The following RICTOR variants were observed in gnomAD, a reference collection of about 807,000 sequenced individuals.
RICTOR encodes rapamycin-insensitive companion of mTOR.
A neutral mutation model predicts 214.9 loss-of-function variants in RICTOR; 49 were observed. That is an observed-to-expected ratio of 0.23 (90% CI 0.18 to 0.29). The LOEUF (loss-of-function observed/expected upper bound fraction) is 0.29, where lower values mean the gene tolerates loss of function less well. Ranked by LOEUF, RICTOR falls within the 10% of genes least tolerant of loss-of-function variation. The pLI, the probability that RICTOR is intolerant of heterozygous loss-of-function variation, is 1.00. For missense variants in RICTOR, 1,625 were observed against 2,047.0 expected, an observed-to-expected ratio of 0.79 and a Z score of 3.98; for synonymous variants, 717 against 711.3, an observed-to-expected ratio of 1.01 and a Z score of -0.13.
In RICTOR at chr5:38,953,124, A is replaced by G. The variant is rs150533872; in HGVS notation, c.2791-33T>C. On this transcript the variant is annotated intron_variant, in intron 28 of 37. Transcript: ENST00000357387. ...AAAAGAAATCACTTACATCAAATAT[A>G]AGAGTCACTCTTTCAAAAGATTTGG... The G allele has an allele frequency of 2.5e-5, 34 of 1,383,104 alleles. No homozygotes were observed. In the African/African-American group the frequency reaches 4.3e-4, roughly 17 times the overall value. 85.7% of individuals were successfully genotyped at this position (1,383,104 alleles called of 1,614,324 possible).
intron 31 of RICTOR, chr5:38,949,325 G>A: frequency 7.3e-7 from 1 of 1,369,294 alleles, no homozygotes; most frequent in Non-Finnish European, 9.9e-7. Flanking sequence ...ATAATAAAGA[G>A]GTCAACTTTT....
intron 2 of RICTOR, among the ~76,000 whole-genome samples, chr5:39,069,933 T>C (rs1580239369): frequency 6.6e-6 from 1 of 152,250 alleles, no homozygotes; most frequent in South Asian, 2.1e-4. Flanking sequence ...CTGGCTACTA[T>C]TGGGTTACCT....
chr5:39,032,132 A>G (rs909447035), intron 2 of RICTOR, among the ~76,000 whole-genome samples: 1 of 152,212 alleles, frequency 6.6e-6, no homozygotes, highest in African/African-American at 2.4e-5. Flanking sequence ...AAAATTTGCC[A>G]AGAGAACCTA....
In RICTOR at chr5:38,968,005, T is replaced by C; in HGVS notation, c.998A>G (p.Asp333Gly). 1 of 1,606,112 alleles carries C rather than the reference T, an allele frequency of 6.2e-7. No individual in the cohort carries two copies. Among genetic ancestry groups the C allele is most frequent in the South Asian group, 1.1e-5 (1 of 90,894 alleles). The change falls in exon 12 of 38, where the codon GAT becomes GGT. Residue 333 changes from aspartate to glycine, a missense_variant. Asp to Gly is a moderately conservative substitution (Grantham distance 94). This residue lies in a region of RICTOR where 258 missense variants were observed against 393.7 expected (regional missense o/e 0.66). Transcript: ENST00000357387. The part of the protein sequence containing the change: ...IRRGLLEVLY[D>G]IFRLPLPVVT... ...AACAGGTAGAGGAAGACGAAATATA[T>C]CATAAAGCACTTCAAGTAGACCTCG...
At chr5:39,035,481 T>G (rs1448945900) in intron 2 of RICTOR, among the ~76,000 whole-genome samples, 1 of 152,124 alleles carries the variant, frequency 6.6e-6, no homozygotes, top group Non-Finnish European at 1.5e-5. Flanking sequence ...AGAATGACTT[T>G]GACGAGTTGA....
intron 2 of RICTOR, among the ~76,000 whole-genome samples, chr5:39,046,166 A>T (rs1234710673): frequency 6.6e-6 from 1 of 151,538 alleles, no homozygotes; most frequent in Non-Finnish European, 1.5e-5. Flanking sequence ...CAATAAGAGC[A>T]CTGTAAGACT....
At chr5:39,008,301 G>A (rs1260695242) in intron 3 of RICTOR, among the ~76,000 whole-genome samples, 1 of 151,872 alleles carries the variant, frequency 6.6e-6, no homozygotes, top group Non-Finnish European at 1.5e-5. Context: ...CACCATCTAG[G>A]AATAGTTTTA....
chr5:39,018,645 A>C (rs1164312146), intron 3 of RICTOR, among the ~76,000 whole-genome samples: 2 of 152,148 alleles, frequency 1.3e-5, no homozygotes, highest in East Asian at 3.9e-4. Context: ...GGACCCATAA[A>C]GGACGATGAA....
At chr5:39,049,391 T>A (rs150326045) in intron 2 of RICTOR, among the ~76,000 whole-genome samples, 1 of 152,306 alleles carries the variant, frequency 6.6e-6, no homozygotes, top group African/African-American at 2.4e-5. Flanking sequence ...AACTTGTTCA[T>A]AGAGTCACAC....
chr5:38,959,651 C>A, intron 21 of RICTOR, 128 bp downstream of exon 21: 2 of 635,724 alleles, frequency 3.1e-6, no homozygotes, highest in Non-Finnish European at 5.4e-6. Flanking sequence ...AATATTAAAG[C>A]AAAGATAATG....
At chr5:39,056,738 G>T (rs1318082879) in intron 2 of RICTOR, among the ~76,000 whole-genome samples, 2 of 152,102 alleles carry the variant, frequency 1.3e-5, no homozygotes, top group Non-Finnish European at 2.9e-5. Context: ...TGATGATAAG[G>T]TGACATTTGA....
At chr5:39,038,130 T>G (rs966778121) in intron 2 of RICTOR, among the ~76,000 whole-genome samples, 10 of 152,152 alleles carry the variant, frequency 6.6e-5, no homozygotes, top group African/African-American at 2.4e-4. Flanking sequence ...CATGATCAAG[T>G]GGGCTTCATC....
intron 27 of RICTOR, among the ~76,000 whole-genome samples, chr5:38,954,487 A>G (rs1324044881): frequency 6.6e-6 from 1 of 151,884 alleles, no homozygotes; most frequent in East Asian, 1.9e-4. Context: ...ACTAAACTCT[A>G]AAAAAAGAAC....
At chr5:39,035,212 G>A (rs995452908) in intron 2 of RICTOR, among the ~76,000 whole-genome samples, 1 of 152,118 alleles carries the variant, frequency 6.6e-6, no homozygotes, top group South Asian at 2.1e-4. Flanking sequence ...AGGCAAACAG[G>A]GTCTGGAGTG....
At chr5:38,995,891 T>C (rs549855730) in intron 6 of RICTOR, among the ~76,000 whole-genome samples, 5 of 152,312 alleles carry the variant, frequency 3.3e-5, no homozygotes, top group African/African-American at 1.2e-4. Flanking sequence ...TCATTCTTAG[T>C]CGAATTTCAA....
chr5:38,993,356 A>C (rs1752927582), intron 6 of RICTOR, among the ~76,000 whole-genome samples: 2 of 152,212 alleles, frequency 1.3e-5, no homozygotes, highest in South Asian at 4.1e-4. Context: ...AGCGAGTAGA[A>C]TTTAAATAAG....
intron 8 of RICTOR, 39 bp from the exon 9 acceptor site, chr5:38,978,689 T>A: frequency 1.0e-6 from 1 of 982,624 alleles, no homozygotes; most frequent in Non-Finnish European, 1.6e-6. Context: ...GTCTTTATTT[T>A]AAAATGCATC....
At position 38,939,602 on chromosome 5, in the gene RICTOR, A is replaced by C. The variant is rs551122845; in HGVS notation, c.*2702T>G. ...GAGGCTGAAATCTGTTCTTGAAAAAAAGTTCAATTAGAAATAACAATTCAC... is the reference window on the plus strand; with the variant it reads ...GAGGCTGAAATCTGTTCTTGAAAAACAGTTCAATTAGAAATAACAATTCAC... On this transcript the variant is annotated 3_prime_UTR_variant, in exon 38 of 38. Coordinates refer to ENST00000357387, the MANE Select transcript of RICTOR (RefSeq NM_152756.5). The C allele has an allele frequency of 4.3e-6, 1 of 231,658 alleles. No individual in the cohort carries two copies. The highest frequency in any genetic ancestry group is 6.2e-5 in the East Asian group (1 of 16,246). The allele number at this position is 231,658 out of a possible 1,614,324, so 14.4% of individuals were successfully genotyped here. A position where few individuals can be genotyped will look rare whatever the true frequency, so the allele number is the denominator to read the frequency against.
chr5:38,986,690 C>T (rs1457903126), intron 7 of RICTOR, among the ~76,000 whole-genome samples: 1 of 152,186 alleles, frequency 6.6e-6, no homozygotes. Flanking sequence ...GATTTCTTCT[C>T]TTCCTATTTT....
Sources: gnomAD v4.1 joint callset for allele counts (sites outside exome capture counted in the v4.1 genomes callset) on GRCh38, gnomAD v4.1.1 for gene constraint, gnomAD v4.1.1 regional missense constraint, MANE v1.5 for transcripts, NCBI Gene and HGNC (gene_info 2026-07-23, HGNC 2026-07-21) for gene names.